Variants in CFTR observed in about 807,000 individuals in gnomAD.
CFTR encodes the protein cystic fibrosis transmembrane conductance regulator.
A neutral mutation model predicts 171.6 loss-of-function variants in CFTR; 181 were observed. That is an observed-to-expected ratio of 1.05 (90% CI 0.93 to 1.19). The LOEUF is 1.19. CFTR is among the 50% of genes most tolerant of loss of function. The pLI, the probability that CFTR is intolerant of heterozygous loss-of-function variation, is 0.00. For synonymous variants in CFTR, 583 were observed against 608.0 expected (o/e 0.96, Z 0.60); for missense variants, 1,968 against 1,734.7 (o/e 1.13, Z -2.39).
chr7:117,650,862 T>C (rs1229532136), intron 23 of CFTR, among the ~76,000 whole-genome samples: 1 of 152,158 alleles, frequency 6.6e-6, no homozygotes, highest in Non-Finnish European at 1.5e-5. Flanking sequence ...TAATCTTTCC[T>C]GAGCTTTAAA....
At chr7:117,552,216 A>T (rs1373893900) in intron 10 of CFTR, among the ~76,000 whole-genome samples, 1 of 151,314 alleles carries the variant, frequency 6.6e-6, no homozygotes, top group Non-Finnish European at 1.5e-5. Context: ...GTAACCTTGA[A>T]CTCCTGGGCT....
intron 3 of CFTR, among the ~76,000 whole-genome samples, chr7:117,509,764 C>T (rs1391664122): frequency 1.3e-5 from 2 of 152,036 alleles, no homozygotes; most frequent in African/African-American, 4.8e-5. Context: ...AGTTGCTGTC[C>T]AATGTGACTC....
rs1388235792 is a variant in CFTR, at chr7:117,531,009, C to A, written c.384C>A (p.Cys128Ter). The A allele has an allele frequency of 6.2e-7, 1 of 1,613,592 alleles. No homozygotes were observed. Among genetic ancestry groups the A allele is most frequent in the Non-Finnish European group, 8.5e-7 (1 of 1,179,780 alleles). ...CGATTTATCTAGGCATAGGCTTATGCCTTCTCTTTATTGTGAGGACACTGC... is the reference window on the plus strand; with the variant it reads ...CGATTTATCTAGGCATAGGCTTATGACTTCTCTTTATTGTGAGGACACTGC... ...SIAIYLGIGL[C>*]LLFIVRTLLL... The change falls in exon 4 of 27, where the codon TGC (cysteine) becomes TGA (stop). Residue 128 changes from cysteine to a stop codon, truncating the protein, a stop_gained. Coordinates refer to ENST00000003084, the MANE Select transcript of CFTR (RefSeq NM_000492.4). LOFTEE classifies it high-confidence loss of function.
intron 2 of CFTR, among the ~76,000 whole-genome samples, chr7:117,507,217 A>T (rs973352020): frequency 1.3e-5 from 2 of 152,130 alleles, no homozygotes; most frequent in African/African-American, 4.8e-5. Context: ...CAAGTTGTTC[A>T]AGTTTCACCC....
chr7:117,567,279 T>G (rs1164565646), intron 11 of CFTR, among the ~76,000 whole-genome samples: 1 of 152,170 alleles, frequency 6.6e-6, no homozygotes, highest in African/African-American at 2.4e-5. Flanking sequence ...AATGGTACCT[T>G]AGACATAGAA....
At chr7:117,620,944 T>C (rs1792566607) in intron 21 of CFTR, among the ~76,000 whole-genome samples, 1 of 152,054 alleles carries the variant, frequency 6.6e-6, no homozygotes, top group Non-Finnish European at 1.5e-5. Flanking sequence ...CTGTATCTAC[T>C]AAAAATTCAA....
chr7:117,524,698 G>A (rs1362569979), intron 3 of CFTR, among the ~76,000 whole-genome samples: 3 of 152,108 alleles, frequency 2.0e-5, no homozygotes, highest in African/African-American at 7.2e-5. Flanking sequence ...AACATCCAGG[G>A]CAGCACTTTC....
intron 2 of CFTR, among the ~76,000 whole-genome samples, chr7:117,506,396 G>A (rs1250686279): frequency 1.3e-5 from 2 of 152,024 alleles, no homozygotes; most frequent in African/African-American, 4.8e-5. Flanking sequence ...ACAGGCACTC[G>A]CCACAATGCC....
Position 117,540,006 on chromosome 7 carries a change from C to T in CFTR, c.870-94C>T, listed in dbSNP as rs536748954. ...CAGGTTAAAAATATAGGCAGAAAGA[C>T]TCTAGAGACCATGCTCAGATCTTCC... On this transcript the variant is annotated intron_variant, in intron 7 of 26. Transcript: ENST00000003084. 1.9e-5 allele frequency: 21 copies of T among 1,078,158 alleles called. 1 individual carries two copies. The South Asian group carries it at 2.7e-4, about 14-fold the overall frequency. The allele number at this position is 1,078,158 out of a possible 1,614,324, so 66.8% of individuals were successfully genotyped here. A position where few individuals can be genotyped will look rare whatever the true frequency, so the allele number is the denominator to read the frequency against.
chr7:117,549,603 A>G (rs1799234136), intron 10 of CFTR, among the ~76,000 whole-genome samples: 1 of 152,236 alleles, frequency 6.6e-6, no homozygotes. Flanking sequence ...AGAGCTTTCT[A>G]GTATTAGAAT....
chr7:117,536,678 G>A lies in CFTR; in HGVS notation c.869+5G>A, dbSNP rs533959068. The A allele has an allele frequency of 1.2e-6, 2 of 1,609,610 alleles. No homozygotes were observed. Among genetic ancestry groups the A allele is most frequent in the East Asian group, 2.2e-5 (1 of 44,718 alleles). On this transcript the variant is annotated splice_donor_5th_base_variant and intron_variant, in intron 7 of 26. Transcript: ENST00000003084. ...AATGATTGAAAACTTAAGACAGTAA[G>A]TTGTTCCAATAATTTCAATATTGTT...
intron 26 of CFTR, 81 bp from the exon 27 acceptor site, chr7:117,666,827 T>G: frequency 1.6e-6 from 2 of 1,218,446 alleles, no homozygotes; most frequent in East Asian, 4.7e-5. Context: ...TTTATTTTCC[T>G]TTGAGCCTGT....
chr7:117,525,959 T>C (rs200559174), intron 3 of CFTR, among the ~76,000 whole-genome samples: 15,546 of 148,198 alleles, frequency 0.1, 1,184 homozygotes, highest in East Asian at 0.39. Context: ...CATTAGTTGA[T>C]GCAGTTTCTT....
At chr7:117,561,782 A>C (rs569143171) in intron 11 of CFTR, among the ~76,000 whole-genome samples, 1 of 152,304 alleles carries the variant, frequency 6.6e-6, no homozygotes, top group African/African-American at 2.4e-5. Context: ...GTGATGTAAT[A>C]GAGGCATTTT....
intron 11 of CFTR, among the ~76,000 whole-genome samples, chr7:117,576,952 C>A (rs1053531825): frequency 1.3e-5 from 2 of 152,150 alleles, no homozygotes; most frequent in African/African-American, 4.8e-5. Context: ...AAATCACACT[C>A]CTCCCCTTGC....
At chr7:117,603,979 A>G (rs1013436242) in intron 17 of CFTR, among the ~76,000 whole-genome samples, 197 bp downstream of exon 17, 2 of 152,184 alleles carry the variant, frequency 1.3e-5, no homozygotes, top group Non-Finnish European at 2.9e-5. Flanking sequence ...TCTGTGTTAG[A>G]TAATTAGAGT....
chr7:117,658,477 G>A (rs1793215340), intron 24 of CFTR, among the ~76,000 whole-genome samples: 1 of 152,084 alleles, frequency 6.6e-6, no homozygotes, highest in Admixed American at 6.6e-5. Context: ...AATTTCATGT[G>A]TCCTTTTGGC....
chr7:117,534,013 T>C (rs7357343), intron 4 of CFTR, among the ~76,000 whole-genome samples: 1,564 of 152,224 alleles, frequency 0.01, 21 homozygotes, highest in African/African-American at 0.035. Context: ...ATAATATCAT[T>C]CTCATTGTGA....
rs73717526 is a variant in CFTR, at chr7:117,499,484, C to A, written c.54-4769C>A. Among the ~76,000 whole-genome samples the A allele has an allele frequency of 5.9e-3, 787 of 134,418 alleles. 5 individuals are homozygous for A. Among genetic ancestry groups the A allele is most frequent in the African/African-American group, 0.023 (741 of 32,540 alleles). The allele number at this position is 134,418 out of a possible 152,430, so 88.2% of individuals were successfully genotyped here. Reference sequence around the variant, plus strand: ...GTGTTTAAAAAATCAAGTGATAGGGCTTTTCCTCAATAAAATCTGAAATCT... The same window carrying A: ...GTGTTTAAAAAATCAAGTGATAGGGATTTTCCTCAATAAAATCTGAAATCT... On this transcript the variant is annotated intron_variant, in intron 1 of 26. Transcript: ENST00000003084.
Sources: allele counts gnomAD v4.1 joint callset (sites outside exome capture counted in the v4.1 genomes callset), GRCh38; gene constraint gnomAD v4.1.1; transcripts MANE v1.5; gene names NCBI Gene and HGNC (gene_info 2026-07-23, HGNC 2026-07-21).